Variants in CD99L2 observed in about 807,000 individuals in gnomAD.
CD99L2 encodes CD99 molecule like 2, also known as CD99 antigen-like protein 2.
Under a neutral mutation model 27.3 loss-of-function variants are expected in CD99L2, and 24 were observed. That is an observed-to-expected ratio of 0.88 (90% confidence interval 0.64 to 1.24). The LOEUF is 1.24. CD99L2 is among the 50% of genes most tolerant of loss of function. The pLI is 0.00. For missense variants in CD99L2, 255 were observed against 221.6 expected, an observed-to-expected ratio of 1.15 and a Z score of -0.96; for synonymous variants, 97 against 87.9, an observed-to-expected ratio of 1.10 and a Z score of -0.58.
rs1299922308 is a variant in CD99L2 at position 150,824,340 on chromosome X, GA to G, written c.130+6890del. ...AGGAGGAGGAGGAGAAGAAGAAGAA[GA>G]AAGAAGGAAGAAGGAAGAAGGAAGA... On this transcript the variant is annotated intron_variant, in intron 2 of 10. Transcript: ENST00000370377. Among the ~76,000 whole-genome samples, 174 of 89,694 alleles carry G rather than the reference GA, an allele frequency of 1.9e-3. 2 individuals carry two copies. The highest frequency in any genetic ancestry group is 6.9e-3 in the African/African-American group (159 of 22,996). The allele number at this position is 89,694 out of a possible 115,157, so 77.9% of individuals were successfully genotyped here. A position where few individuals can be genotyped will look rare whatever the true frequency, so the allele number is the denominator to read the frequency against.
chrX:150,864,630 A>T (rs2047031731), intron 1 of CD99L2, among the ~76,000 whole-genome samples: 1 of 112,363 alleles, frequency 8.9e-6, no homozygotes, highest in Non-Finnish European at 1.9e-5. Flanking sequence ...ACACCCTAGG[A>T]CAATTGGAAG....
chrX:150,777,337 T>C, intron 8 of CD99L2, 107 bp downstream of exon 8: 1 of 985,780 alleles, frequency 1.0e-6, no homozygotes, highest in South Asian at 2.0e-5. Flanking sequence ...CACGTTTGCC[T>C]GATGCAGTTT....
At chrX:150,795,131 T>C in intron 6 of CD99L2, 75 bp downstream of exon 6, 1 of 1,125,461 alleles carries the variant, frequency 8.9e-7, no homozygotes, top group Non-Finnish European at 1.2e-6. Context: ...CCTCCAGCTC[T>C]GCCAGGCCCA....
chrX:150,885,360 CAAAAAAACAACAACAACAAA>C (rs2047391418), intron 1 of CD99L2, among the ~76,000 whole-genome samples: 1 of 107,623 alleles, frequency 9.3e-6, no homozygotes, highest in African/African-American at 3.6e-5. Flanking sequence ...TCCACTTCTA[CAAAAAAACAACAACAACAAA>C]AAAACAACAA....
intron 1 of CD99L2, among the ~76,000 whole-genome samples, chrX:150,842,984 A>G (rs981264375): frequency 5.3e-5 from 6 of 112,300 alleles, no homozygotes; most frequent in Non-Finnish European, 9.4e-5. Flanking sequence ...TTTGATTACC[A>G]AAACTCTGTC....
At chrX:150,799,500 C>A in intron 4 of CD99L2, among the ~76,000 whole-genome samples, 2 of 99,797 alleles carry the variant, frequency 2.0e-5, no homozygotes, top group African/African-American at 3.8e-5. Flanking sequence ...GGTGACAAAG[C>A]AAGACCCTGT....
intron 2 of CD99L2, among the ~76,000 whole-genome samples, chrX:150,824,031 G>A (rs782145496): frequency 3.5e-5 from 3 of 86,938 alleles, no homozygotes; most frequent in South Asian, 6.0e-4. Flanking sequence ...AGGAAGAGGA[G>A]GAGGAGGAGG....
chrX:150,898,371 C>A (rs1746521799), intron 1 of CD99L2, 151 bp downstream of exon 1: 2 of 337,538 alleles, frequency 5.9e-6, no homozygotes, highest in South Asian at 3.4e-4. Flanking sequence ...GGGCTCGGAC[C>A]CCCGCCGCTC....
chrX:150,834,765 G>A (rs782244262), intron 1 of CD99L2, among the ~76,000 whole-genome samples: 4 of 112,067 alleles, frequency 3.6e-5, no homozygotes, highest in Non-Finnish European at 7.5e-5. Flanking sequence ...TTGAAATCAC[G>A]ATTTTAAAGA....
At chrX:150,853,573 G>A (rs2046825276) in intron 1 of CD99L2, among the ~76,000 whole-genome samples, 1 of 111,749 alleles carries the variant, frequency 8.9e-6, no homozygotes. Flanking sequence ...AGCAGTCAAG[G>A]CCAGTCAGTT....
intron 1 of CD99L2, among the ~76,000 whole-genome samples, chrX:150,896,404 A>C (rs1183766248): frequency 2.7e-5 from 3 of 112,145 alleles, no homozygotes; most frequent in Non-Finnish European, 5.6e-5. Context: ...TCTCAAAAAA[A>C]TTAATTAATT....
Position 150,898,515 on chromosome X carries a change from G to A in CD99L2, c.67+7C>T. ...CGCGGTCCCCGCGCGCCCCCCGCCC[G>A]CCTTACCTCGCTGGACCAGGGTGGC... On this transcript the variant is annotated splice_region_variant and intron_variant, in intron 1 of 10. Transcript: ENST00000370377. 3 of 1,103,535 alleles carry A rather than the reference G, an allele frequency of 2.7e-6. No individual in the cohort carries two copies. 90.9% of individuals were successfully genotyped at this position (1,103,535 alleles called of 1,213,427 possible). A position where few individuals can be genotyped will look rare whatever the true frequency, so the allele number is the denominator to read the frequency against.
chrX:150,788,155 A>C (rs1381547242), intron 7 of CD99L2, among the ~76,000 whole-genome samples: 1 of 110,178 alleles, frequency 9.1e-6, no homozygotes, highest in Non-Finnish European at 1.9e-5. Flanking sequence ...ACAAAATACC[A>C]GCAAATTGAA....
chrX:150,770,720 G>C (rs1403540803), intron 9 of CD99L2, among the ~76,000 whole-genome samples: 1 of 113,058 alleles, frequency 8.8e-6, no homozygotes, highest in Admixed American at 9.3e-5. Flanking sequence ...CCACAGGTCC[G>C]TGTGCGTGTG....
chrX:150,778,633 A>AT (rs2045450014), intron 7 of CD99L2, among the ~76,000 whole-genome samples: 1 of 104,601 alleles, frequency 9.6e-6, no homozygotes, highest in East Asian at 2.9e-4. Flanking sequence ...TTAACTCATC[A>AT]TTTACATTAG....
At chrX:150,881,631 C>G (rs1557422492) in intron 1 of CD99L2, among the ~76,000 whole-genome samples, 1 of 112,000 alleles carries the variant, frequency 8.9e-6, no homozygotes, top group Non-Finnish European at 1.9e-5. Context: ...GATCTCGCCA[C>G]CAGCCAGCCT....
intron 1 of CD99L2, 59 bp from the exon 2 acceptor site, chrX:150,831,352 A>C (rs1369439594): frequency 2.1e-6 from 2 of 944,178 alleles, no homozygotes; most frequent in Non-Finnish European, 3.0e-6. Context: ...ATAATGAAAT[A>C]TCCTCTAGAA....
intron 8 of CD99L2, chrX:150,777,131 A>C (rs2043570447): frequency 3.1e-6 from 1 of 319,712 alleles, no homozygotes; most frequent in African/African-American, 2.7e-5. Context: ...CATTTGTATC[A>C]GGGGAGCAGA....
At chrX:150,795,548 C>G in intron 4 of CD99L2, 62 bp from the exon 5 acceptor site, 2 of 1,087,328 alleles carry the variant, frequency 1.8e-6, no homozygotes, top group Non-Finnish European at 2.5e-6. Flanking sequence ...AGCAGCCATT[C>G]ATGGCTCAGG....
Sources: allele counts gnomAD v4.1 joint callset (sites outside exome capture counted in the v4.1 genomes callset), GRCh38; gene constraint gnomAD v4.1.1; transcripts MANE v1.5; gene names NCBI Gene and HGNC (gene_info 2026-07-23, HGNC 2026-07-21).